The following KCNK10 variants were observed in gnomAD, a reference collection of about 807,000 sequenced individuals.
KCNK10 encodes the protein potassium two pore domain channel subfamily K member 10, also known as potassium channel subfamily K member 10.
In KCNK10, 25 loss-of-function variants were observed where a neutral mutation model predicts 47.7. That is an observed-to-expected ratio of 0.52 (90% CI 0.38 to 0.73). The LOEUF (loss-of-function observed/expected upper bound fraction) is 0.73, where lower values mean the gene tolerates loss of function less well. Ranked by LOEUF, KCNK10 falls within the 30% of genes least tolerant of loss-of-function variation. The pLI is 0.00. For synonymous variants in KCNK10, 303 were observed against 285.6 expected (o/e 1.06, Z -0.61); for missense variants, 563 against 714.5 (o/e 0.79, Z 2.42).
At chr14:88,223,753 C>G (rs1014605579) in intron 4 of KCNK10, among the ~76,000 whole-genome samples, 2 of 152,092 alleles carry the variant, frequency 1.3e-5, no homozygotes, top group Admixed American at 1.3e-4. Flanking sequence ...GAAAAGTATC[C>G]TTCTGCATTG....
chr14:88,285,000 T>C (rs1427762730), intron 1 of KCNK10, among the ~76,000 whole-genome samples: 6 of 152,224 alleles, frequency 3.9e-5, no homozygotes, highest in Admixed American at 1.3e-4. Context: ...TAACTGCTAG[T>C]TGTAATTAAT....
At chr14:88,253,611 A>T (rs1278863312) in intron 2 of KCNK10, among the ~76,000 whole-genome samples, 1 of 152,182 alleles carries the variant, frequency 6.6e-6, no homozygotes, top group African/African-American at 2.4e-5. Flanking sequence ...ATTAAAAAAA[A>T]AATCCTTAGC....
intron 4 of KCNK10, among the ~76,000 whole-genome samples, chr14:88,223,676 T>C (rs747987534): frequency 1.4e-4 from 21 of 152,198 alleles, no homozygotes; most frequent in Non-Finnish European, 2.6e-4. Context: ...GTAAAGAACT[T>C]TGCATCCCTC....
At chr14:88,299,650 G>A (rs375471495) in intron 1 of KCNK10, among the ~76,000 whole-genome samples, 5 of 152,080 alleles carry the variant, frequency 3.3e-5, no homozygotes, top group Admixed American at 2.0e-4. Context: ...TTAATTTACT[G>A]TGCATTTGGA....
At chr14:88,255,611 C>T (rs529568095) in intron 2 of KCNK10, among the ~76,000 whole-genome samples, 7 of 151,972 alleles carry the variant, frequency 4.6e-5, no homozygotes, top group Non-Finnish European at 1.0e-4. Flanking sequence ...GTCCATTTCA[C>T]GGTGGAGAGG....
At chr14:88,287,557 CA>C (rs1209066006) in intron 1 of KCNK10, among the ~76,000 whole-genome samples, 1 of 152,128 alleles carries the variant, frequency 6.6e-6, no homozygotes, top group Non-Finnish European at 1.5e-5. Context: ...TAAGAACACA[CA>C]ATGTTTGGTT....
In KCNK10 at chr14:88,289,023, T is replaced by C. The variant is rs547040157; in HGVS notation, c.53-25472A>G. ...GCTCATTCCCTGTGTGTCTCCCTCA[T>C]TAGAATATAAACTTCCCATCTAGAA... On this transcript the variant is annotated intron_variant, in intron 1 of 6. Coordinates refer to ENST00000319231, the MANE Select transcript of KCNK10 (RefSeq NM_138317.3). Among the ~76,000 whole-genome samples the C allele has an allele frequency of 1.1e-4, 16 of 152,310 alleles. No homozygotes were observed. The South Asian group carries it at 3.1e-3, about 30-fold the overall frequency.
intron 4 of KCNK10, among the ~76,000 whole-genome samples, chr14:88,203,247 GT>G (rs1288525749): frequency 8.5e-5 from 13 of 152,344 alleles, no homozygotes; most frequent in African/African-American, 3.1e-4. Flanking sequence ...GTTCCATGGT[GT>G]GATTTGGTCA....
intron 1 of KCNK10, among the ~76,000 whole-genome samples, chr14:88,297,210 T>A (rs1888004025): frequency 1.3e-5 from 2 of 152,240 alleles, no homozygotes; most frequent in African/African-American, 2.4e-5. Context: ...AATGAGGTTC[T>A]ATCATTTTAA....
At chr14:88,194,018 G>A (rs1884832387) in intron 4 of KCNK10, among the ~76,000 whole-genome samples, 1 of 152,070 alleles carries the variant, frequency 6.6e-6, no homozygotes, top group African/African-American at 2.4e-5. Flanking sequence ...GTAAAAAGGA[G>A]GTACTTTTCT....
rs994203469 is a variant in KCNK10, at chr14:88,271,006, C to A, written c.53-7455G>T. 7.2e-5 allele frequency: 43 copies of A among 597,726 alleles called. No homozygotes were observed. The African/African-American group carries it at 7.2e-4, about 10-fold the overall frequency. The allele number at this position is 597,726 out of a possible 1,614,324, so 37.0% of individuals were successfully genotyped here. A position where few individuals can be genotyped will look rare whatever the true frequency, so the allele number is the denominator to read the frequency against. ...CAAGCAACCTTTGCCCCAGCCAAAC[C>A]CAGCAGCACCCAGACCCGCTCACAC... is the stretch of plus-strand genomic sequence containing the variant. On this transcript the variant is annotated intron_variant, in intron 1 of 6. Coordinates refer to ENST00000319231, the MANE Select transcript of KCNK10 (RefSeq NM_138317.3).
intron 2 of KCNK10, among the ~76,000 whole-genome samples, chr14:88,253,910 G>C (rs1163273363): frequency 6.6e-6 from 1 of 152,076 alleles, no homozygotes; most frequent in African/African-American, 2.4e-5. Flanking sequence ...GGGCAGAGAG[G>C]GGAAGCCCAT....
At chr14:88,207,454 G>A (rs1428427201) in intron 4 of KCNK10, among the ~76,000 whole-genome samples, 1 of 152,028 alleles carries the variant, frequency 6.6e-6, no homozygotes, top group African/African-American at 2.4e-5. Flanking sequence ...GATTACAGGC[G>A]CGAGCCACAG....
intron 4 of KCNK10, among the ~76,000 whole-genome samples, chr14:88,203,587 G>A (rs1885171255): frequency 6.6e-6 from 1 of 152,230 alleles, no homozygotes; most frequent in African/African-American, 2.4e-5. Flanking sequence ...AATCTTAAAA[G>A]TCTTGTTACA....
intron 4 of KCNK10, among the ~76,000 whole-genome samples, chr14:88,212,733 A>G (rs1885501384): frequency 6.6e-6 from 1 of 152,240 alleles, no homozygotes; most frequent in Non-Finnish European, 1.5e-5. Flanking sequence ...CTTCCAAGAC[A>G]TAGTGCAAAA....
At chr14:88,324,145 C>T (rs879849479), upstream of KCNK10, among the ~76,000 whole-genome samples, 2 of 152,244 alleles carry the variant, frequency 1.3e-5, no homozygotes, top group Non-Finnish European at 2.9e-5. Context: ...GAAGCGGCGG[C>T]CCCGGGATCC....
At chr14:88,210,301 T>C (rs1267689439) in intron 4 of KCNK10, among the ~76,000 whole-genome samples, 1 of 152,242 alleles carries the variant, frequency 6.6e-6, no homozygotes, top group Admixed American at 6.5e-5. Flanking sequence ...TTATGGACAC[T>C]GGTCTTGATG....
At chr14:88,191,901 T>C (rs1884759810) in intron 5 of KCNK10, among the ~76,000 whole-genome samples, 2 of 152,196 alleles carry the variant, frequency 1.3e-5, no homozygotes, top group African/African-American at 2.4e-5. Flanking sequence ...GCCTTTATCA[T>C]TGGATTAGAG....
rs559118584 is a variant in KCNK10, at chr14:88,253,850, A to T, written c.402+9352T>A. Reference sequence around the variant, plus strand: ...GAGGCAGAGGTTGCAGTGAGCTAAGATCTCACCATTGCACTCCAGTCTGGG... The same window carrying T: ...GAGGCAGAGGTTGCAGTGAGCTAAGTTCTCACCATTGCACTCCAGTCTGGG... On this transcript the variant is annotated intron_variant, in intron 2 of 6. Coordinates refer to ENST00000319231, the MANE Select transcript of KCNK10 (RefSeq NM_138317.3). 5.9e-5 allele frequency among the ~76,000 whole-genome samples: 9 copies of T among 152,170 alleles called. No homozygotes were observed. The South Asian group carries it at 6.2e-4, about 11-fold the overall frequency.
Sources: gnomAD v4.1 joint callset for allele counts (sites outside exome capture counted in the v4.1 genomes callset) on GRCh38, gnomAD v4.1.1 for gene constraint, MANE v1.5 for transcripts, NCBI Gene and HGNC (gene_info 2026-07-23, HGNC 2026-07-21) for gene names.